Variants in SON observed in about 807,000 individuals in gnomAD.
SON encodes SON DNA and RNA binding protein, also known as protein SON.
Under a neutral mutation model 173.3 loss-of-function variants are expected in SON, and 4 were observed. The observed-to-expected ratio is 0.02, with a 90% CI of 0.01 to 0.05. SON has a LOEUF of 0.05. SON is among the 10% of genes least tolerant of loss of function. The pLI, the probability that SON is intolerant of heterozygous loss-of-function variation, is 1.00. For synonymous variants in SON, 1,190 were observed against 1,105.9 expected (o/e 1.08, Z -1.51); for missense variants, 2,626 against 3,055.3 (o/e 0.86, Z 3.31).
chr21:33,551,212 A>G lies in SON; in HGVS notation c.1981A>G (p.Thr661Ala), dbSNP rs765877709. 6 of 1,614,090 alleles carry G rather than the reference A, an allele frequency of 3.7e-6. No homozygotes were observed. The highest frequency in any genetic ancestry group is 4.2e-6 in the Non-Finnish European group (5 of 1,179,980). The change falls in exon 3 of 12, where the codon ACA (threonine) becomes GCA (alanine). Residue 661 changes from threonine to alanine, a missense_variant. Coordinates refer to ENST00000356577, the MANE Select transcript of SON (RefSeq NM_138927.4). ...GATCTCTGTTCAGTCTGTGGTGACA[A>G]CATCGGAGCTGTCAACGATGACCGT... ...LEISVQSVVT[T>A]SELSTMTVSQ... is the part of the protein sequence containing the mutation.
chr21:33,557,004 A>G (rs1052161917), intron 3 of SON, 152 bp from the exon 4 acceptor site: 1 of 629,712 alleles, frequency 1.6e-6, no homozygotes, highest in East Asian at 3.0e-5. Context: ...TGATGCCTAT[A>G]GTTTTTTCCT....
chr21:33,566,672 A>T (rs2086178775), intron 6 of SON, among the ~76,000 whole-genome samples: 1 of 152,164 alleles, frequency 6.6e-6, no homozygotes, highest in Non-Finnish European at 1.5e-5. Context: ...AGATACGCTG[A>T]TGAGTAAAGG....
chr21:33,544,092 G>C lies in SON; in HGVS notation c.77+923G>C, dbSNP rs545374310. Among the ~76,000 whole-genome samples, 9 of 152,328 alleles carry C rather than the reference G, an allele frequency of 5.9e-5. No individual in the cohort carries two copies. The East Asian group carries it at 1.7e-3, about 29-fold the overall frequency. Reference sequence around the variant, plus strand: ...AGAAGTAGGAAAGAGATCTTGAAACGTAAGTGTTCCGAGTTCAAGTGTTTT... The same window carrying C: ...AGAAGTAGGAAAGAGATCTTGAAACCTAAGTGTTCCGAGTTCAAGTGTTTT... On this transcript the variant is annotated intron_variant, in intron 1 of 11. Coordinates refer to ENST00000356577, the MANE Select transcript of SON (RefSeq NM_138927.4).
chr21:33,564,909 G>C (rs1024263956), intron 6 of SON, among the ~76,000 whole-genome samples: 2 of 151,578 alleles, frequency 1.3e-5, no homozygotes, highest in Non-Finnish European at 1.5e-5. Flanking sequence ...TTACTATTTG[G>C]TAATACATTT....
intron 1 of SON, among the ~76,000 whole-genome samples, chr21:33,544,979 G>C (rs1182766099): frequency 1.3e-5 from 2 of 152,124 alleles, no homozygotes; most frequent in African/African-American, 2.4e-5. Flanking sequence ...CTGCAAACAA[G>C]TTTTTGATTA....
intron 9 of SON, 85 bp downstream of exon 9, chr21:33,573,540 C>A: frequency 8.3e-7 from 1 of 1,201,076 alleles, no homozygotes; most frequent in Non-Finnish European, 1.2e-6. Flanking sequence ...TGATACTGAA[C>A]TGAAGGCACT....
intron 6 of SON, among the ~76,000 whole-genome samples, chr21:33,566,037 T>G (rs997626422): frequency 1.3e-5 from 2 of 152,180 alleles, no homozygotes; most frequent in Admixed American, 6.5e-5. Context: ...CTTTTATACA[T>G]GATACATAGT....
rs554096946 is a variant in SON at position 33,557,013 on chromosome 21, C to A, written c.6161-143C>A. The A allele has an allele frequency of 1.5e-3, 787 of 524,410 alleles. 1 individual carries two copies. The highest frequency in any genetic ancestry group is 1.8e-3 in the Non-Finnish European group (618 of 337,722). The allele number at this position is 524,410 out of a possible 1,614,324, so 32.5% of individuals were successfully genotyped here. A position where few individuals can be genotyped will look rare whatever the true frequency, so the allele number is the denominator to read the frequency against. The stretch of plus-strand genomic sequence containing the variant: ...GAATATTGATGCCTATAGTTTTTTC[C>A]TTTTTTTTTTTCTTTTTTGTTAGAT... On this transcript the variant is annotated intron_variant, in intron 3 of 11. Transcript: ENST00000356577.
chr21:33,563,493 G>C (rs2086108365), intron 6 of SON, among the ~76,000 whole-genome samples: 1 of 142,874 alleles, frequency 7.0e-6, no homozygotes, highest in South Asian at 2.2e-4. Context: ...TATAATTAAA[G>C]TTTTCCTTTT....
At position 33,551,796 on chromosome 21, in the gene SON, G is replaced by C; in HGVS notation, c.2565G>C (p.Met855Ile). The C allele has an allele frequency of 6.2e-7, 1 of 1,613,554 alleles. No homozygotes were observed. The highest frequency in any genetic ancestry group is 8.5e-7 in the Non-Finnish European group (1 of 1,180,036). Residue 855 changes from methionine to isoleucine, a missense_variant, in exon 3 of 12, where the codon ATG (methionine) becomes ATC (isoleucine). Met to Ile is a conservative substitution (Grantham distance 10, BLOSUM62 1). This residue lies in a region of SON where 366 missense variants were observed against 448.6 expected (regional missense o/e 0.82). Transcript: ENST00000356577. ...MLATSTMDSQMLATSSMDSQM... is the reference protein window; with the variant it reads ...MLATSTMDSQILATSSMDSQM... ...CAACCAGCACCATGGACTCCCAGAT[G>C]TTAGCAACTAGCTCAATGGATTCCC...
intron 1 of SON, chr21:33,543,535 T>C: frequency 1.8e-5 from 2 of 111,510 alleles, no homozygotes; most frequent in Non-Finnish European, 3.0e-5. Flanking sequence ...GCGTATCCCC[T>C]CCCCCTCTCG....
At chr21:33,544,455 T>C (rs1030673415) in intron 1 of SON, among the ~76,000 whole-genome samples, 2 of 152,184 alleles carry the variant, frequency 1.3e-5, no homozygotes, top group African/African-American at 4.8e-5. Flanking sequence ...GTCTTTCCTT[T>C]AGAAAATGAG....
intron 6 of SON, among the ~76,000 whole-genome samples, chr21:33,563,467 C>T (rs566990464): frequency 7.2e-6 from 1 of 139,816 alleles, no homozygotes; most frequent in African/African-American, 2.5e-5. Flanking sequence ...ATGCTTTTAC[C>T]TTAGGTCTAT....
intron 3 of SON, among the ~76,000 whole-genome samples, chr21:33,556,342 G>A (rs1783597242): frequency 6.6e-6 from 1 of 152,182 alleles, no homozygotes; most frequent in African/African-American, 2.4e-5. Flanking sequence ...TACTGATAGA[G>A]GTGAGGTACT....
rs2085704209 is a variant in SON, at chr21:33,549,540, T to G, written c.309T>G (p.Ile103Met). 3 of 1,581,154 alleles carry G rather than the reference T, an allele frequency of 1.9e-6. No homozygotes were observed. Among genetic ancestry groups the G allele is most frequent in the African/African-American group, 1.4e-5 (1 of 72,250 alleles). ...VSVQTDPTDE[I>M]PTKKSKKHKK... The stretch of plus-strand genomic sequence containing the variant: ...TACAAACAGATCCTACTGATGAAAT[T>G]CCCACTAAAAAGTCAAAGAAGCATA... Residue 103 changes from isoleucine (I) to methionine (M), a missense_variant, in exon 3 of 12, where the codon ATT becomes ATG. Coordinates refer to ENST00000356577, the MANE Select transcript of SON (RefSeq NM_138927.4).
chr21:33,543,716 C>T (rs959657315), intron 1 of SON, among the ~76,000 whole-genome samples: 1 of 152,216 alleles, frequency 6.6e-6, no homozygotes, highest in African/African-American at 2.4e-5. Flanking sequence ...GTCAGCCGTT[C>T]TGATAGTTAA....
chr21:33,575,545 G>A (rs1166100620), intron 9 of SON, 51 bp from the exon 10 acceptor site: 4 of 1,417,678 alleles, frequency 2.8e-6, no homozygotes, highest in Non-Finnish European at 3.9e-6. Flanking sequence ...AGGGATCTTT[G>A]TTTTAAAGTG....
chr21:33,550,263 A>G lies in SON; in HGVS notation c.1032A>G (p.Val344=), dbSNP rs1329546390. The change falls in exon 3 of 12, where the codon GTA becomes GTG. Residue 344 remains valine, a synonymous_variant. Coordinates refer to ENST00000356577, the MANE Select transcript of SON (RefSeq NM_138927.4). ...IEALRLPEQP[V]DVPSEIADSS... is the part of the protein sequence containing the mutation. Reference sequence around the variant, plus strand: ...CGCTAAGATTGCCAGAGCAGCCTGTAGACGTACCATCGGAGATTGCAGATT... The same window carrying G: ...CGCTAAGATTGCCAGAGCAGCCTGTGGACGTACCATCGGAGATTGCAGATT... The G allele has an allele frequency of 1.9e-6, 3 of 1,613,876 alleles. No individual in the cohort carries two copies. In the Admixed American group the frequency reaches 5.0e-5, roughly 27 times the overall value.
rs771671187 is a variant in SON, at chr21:33,551,516, A to G, written c.2285A>G (p.Asp762Gly). 1.9e-6 allele frequency: 3 copies of G among 1,613,880 alleles called. No individual in the cohort carries two copies. Among genetic ancestry groups the G allele is most frequent in the South Asian group, 2.2e-5 (2 of 91,078 alleles). Residue 762 changes from aspartate (D) to glycine (G), a missense_variant, in exon 3 of 12, where the codon GAC becomes GGC. Asp to Gly is a moderately conservative substitution (Grantham distance 94, BLOSUM62 -1). Transcript: ENST00000356577. The part of the protein sequence containing the change: ...DSQMLASSTM[D>G]SQMLATSSMD... Reference sequence around the variant, plus strand: ...CAGATGTTAGCGTCTAGCACCATGGACTCCCAGATGTTAGCAACTAGCTCC... The same window carrying G: ...CAGATGTTAGCGTCTAGCACCATGGGCTCCCAGATGTTAGCAACTAGCTCC...
Sources: allele counts gnomAD v4.1 joint callset (sites outside exome capture counted in the v4.1 genomes callset), GRCh38; gene constraint gnomAD v4.1.1; regional missense constraint gnomAD v4.1.1; transcripts MANE v1.5; gene names NCBI Gene and HGNC (gene_info 2026-07-23, HGNC 2026-07-21).